IMMP2L: variants seen among roughly 807,000 people sequenced by gnomAD.
IMMP2L encodes the protein inner mitochondrial membrane peptidase subunit 2.
In IMMP2L, 18 loss-of-function variants were observed where a neutral mutation model predicts 19.3. The observed-to-expected ratio is 0.93, with a 90% confidence interval of 0.64 to 1.38. The LOEUF is 1.38. IMMP2L is among the 40% of genes most tolerant of loss of function. IMMP2L has a pLI of 0.00. For synonymous variants in IMMP2L, 76 were observed against 73.0 expected (o/e 1.04, Z -0.21); for missense variants, 233 against 218.2 (o/e 1.07, Z -0.43).
intron 1 of IMMP2L, among the ~76,000 whole-genome samples, chr7:111,553,573 C>T (rs1459930903): frequency 1.3e-5 from 2 of 151,760 alleles, no homozygotes; most frequent in East Asian, 3.9e-4. Flanking sequence ...TAAAATATTA[C>T]TGACACTGAG....
chr7:110,946,111 A>C (rs543907968), intron 4 of IMMP2L, among the ~76,000 whole-genome samples: 1 of 152,348 alleles, frequency 6.6e-6, no homozygotes, highest in South Asian at 2.1e-4. Context: ...TTCAGCATGC[A>C]TCAGAATCAC....
At position 111,290,857 on chromosome 7, in the gene IMMP2L, C is replaced by CACACACAT. The variant is rs1472194887; in HGVS notation, c.239+196380_239+196381insATGTGTGT. Among the ~76,000 whole-genome samples, 207 of 148,658 alleles carry CACACACAT rather than the reference C, an allele frequency of 1.4e-3. 1 individual carries two copies. The highest frequency in any genetic ancestry group is 4.8e-3 in the African/African-American group (193 of 40,126). On this transcript the variant is annotated intron_variant, in intron 3 of 5. Coordinates refer to ENST00000405709, the MANE Select transcript of IMMP2L (RefSeq NM_032549.4). ...ACACACACACACACACACACACACACATATATATATATCTAATTTTCTATC... is the reference window on the plus strand; with the variant it reads ...ACACACACACACACACACACACACACACACACATATATATATATATCTAATTTTCTATC...
intron 3 of IMMP2L, among the ~76,000 whole-genome samples, chr7:110,971,305 T>C (rs1820120579): frequency 6.6e-6 from 1 of 152,134 alleles, no homozygotes; most frequent in Non-Finnish European, 1.5e-5. Context: ...AAAGTAAGCA[T>C]AAGGCTAGTC....
At chr7:111,421,674 T>G (rs1347399693) in intron 3 of IMMP2L, among the ~76,000 whole-genome samples, 1 of 151,758 alleles carries the variant, frequency 6.6e-6, no homozygotes, top group African/African-American at 2.4e-5. Flanking sequence ...GTAGATTGCC[T>G]GTTCACTCTG....
At chr7:110,989,614 A>G (rs1353904836) in intron 3 of IMMP2L, among the ~76,000 whole-genome samples, 1 of 150,960 alleles carries the variant, frequency 6.6e-6, no homozygotes, top group African/African-American at 2.4e-5. Flanking sequence ...TTTATGGGCA[A>G]TTCTCGTTTT....
chr7:111,004,246 T>G (rs1483766311), intron 3 of IMMP2L, among the ~76,000 whole-genome samples: 1 of 151,684 alleles, frequency 6.6e-6, no homozygotes, highest in African/African-American at 2.4e-5. Flanking sequence ...GGCATAATCA[T>G]AGCTCACTGC....
chr7:110,998,757 T>C (rs943916469), intron 3 of IMMP2L, among the ~76,000 whole-genome samples: 1 of 152,140 alleles, frequency 6.6e-6, no homozygotes, highest in African/African-American at 2.4e-5. Context: ...TGACAGTTTC[T>C]TAAAGCCTGG....
intron 4 of IMMP2L, among the ~76,000 whole-genome samples, chr7:110,945,975 C>T (rs1563101799): frequency 6.6e-6 from 1 of 152,166 alleles, no homozygotes; most frequent in Non-Finnish European, 1.5e-5. Context: ...ATGTTCCAAC[C>T]TATCCTGTGG....
chr7:110,736,358 G>C (rs556375602), intron 5 of IMMP2L, among the ~76,000 whole-genome samples: 2 of 152,304 alleles, frequency 1.3e-5, no homozygotes, highest in Non-Finnish European at 2.9e-5. Context: ...TATAGGGCTG[G>C]GGATGCCGAA....
chr7:111,051,439 C>T (rs1793000071), intron 3 of IMMP2L, among the ~76,000 whole-genome samples: 1 of 152,108 alleles, frequency 6.6e-6, no homozygotes, highest in Admixed American at 6.5e-5. Flanking sequence ...GTTCTGTGTC[C>T]TCTGAAGAGT....
intron 4 of IMMP2L, among the ~76,000 whole-genome samples, chr7:110,916,570 A>T (rs1400109461): frequency 6.6e-6 from 1 of 152,224 alleles, no homozygotes; most frequent in Non-Finnish European, 1.5e-5. Flanking sequence ...AAAACCATTA[A>T]TATATTCCTT....
intron 4 of IMMP2L, among the ~76,000 whole-genome samples, chr7:110,935,651 C>T (rs1432117034): frequency 6.6e-6 from 1 of 151,968 alleles, no homozygotes; most frequent in Non-Finnish European, 1.5e-5. Context: ...TTGCTATGCA[C>T]ATCAAGCTAC....
At chr7:111,512,265 G>A (rs1845519249) in intron 2 of IMMP2L, among the ~76,000 whole-genome samples, 1 of 152,038 alleles carries the variant, frequency 6.6e-6, no homozygotes, top group African/African-American at 2.4e-5. Flanking sequence ...AAGTAAAAGA[G>A]CCAGTCAGGA....
chr7:111,262,466 T>C (rs180727431), intron 3 of IMMP2L, among the ~76,000 whole-genome samples: 5 of 151,774 alleles, frequency 3.3e-5, no homozygotes, highest in Non-Finnish European at 5.9e-5. Flanking sequence ...CTTGTATGAG[T>C]GGGAGAAAAG....
chr7:110,815,202 T>G (rs1244287821), intron 5 of IMMP2L, among the ~76,000 whole-genome samples: 1 of 152,088 alleles, frequency 6.6e-6, no homozygotes, highest in Non-Finnish European at 1.5e-5. Context: ...TCAAAGGCCT[T>G]TTCTGCATCT....
intron 5 of IMMP2L, among the ~76,000 whole-genome samples, chr7:110,731,406 CA>C (rs750093174): frequency 6.6e-6 from 1 of 152,030 alleles, no homozygotes; most frequent in Non-Finnish European, 1.5e-5. Flanking sequence ...TTGCTAACAG[CA>C]AGAATGTATT....
At chr7:111,048,680 T>C (rs1036162146) in intron 3 of IMMP2L, among the ~76,000 whole-genome samples, 1 of 152,188 alleles carries the variant, frequency 6.6e-6, no homozygotes, top group African/African-American at 2.4e-5. Flanking sequence ...AGGTACATCG[T>C]CAAGAGGTTG....
intron 3 of IMMP2L, among the ~76,000 whole-genome samples, chr7:111,399,817 T>C (rs1563145403): frequency 6.6e-6 from 1 of 152,140 alleles, no homozygotes; most frequent in Non-Finnish European, 1.5e-5. Flanking sequence ...TCCTTTAATA[T>C]AGAGTCAAGG....
intron 5 of IMMP2L, among the ~76,000 whole-genome samples, chr7:110,850,877 T>A (rs1806146464): frequency 6.6e-6 from 1 of 151,418 alleles, no homozygotes; most frequent in Non-Finnish European, 1.5e-5. Context: ...AGATAGCAAG[T>A]CAGAATATCA....
Sources: gnomAD v4.1 joint callset for allele counts (sites outside exome capture counted in the v4.1 genomes callset) on GRCh38, gnomAD v4.1.1 for gene constraint, MANE v1.5 for transcripts, NCBI Gene and HGNC (gene_info 2026-07-23, HGNC 2026-07-21) for gene names.